The following CDH13 variants were observed in gnomAD, a reference collection of about 807,000 sequenced individuals.
CDH13 encodes cadherin 13, also known as cadherin-13.
CDH13 carries 24 observed loss-of-function variants against 63.8 expected under a neutral mutation model. The observed-to-expected ratio is 0.38, with a 90% CI of 0.27 to 0.53. The LOEUF is 0.53. Ranked by LOEUF, CDH13 falls within the 20% of genes least tolerant of loss-of-function variation. The pLI is 0.85. For missense variants in CDH13, 1,049 were observed against 903.1 expected (o/e 1.16, Z -2.07); for synonymous variants, 503 against 355.3 (o/e 1.42, Z -4.67).
At chr16:82,670,421 T>A (rs912691878) in intron 1 of CDH13, among the ~76,000 whole-genome samples, 12 of 152,180 alleles carry the variant, frequency 7.9e-5, no homozygotes, top group African/African-American at 2.4e-4. Context: ...GAGAAAAAAA[T>A]ATCACTTGAA....
Position 83,575,698 on chromosome 16 carries a change from G to T in CDH13, c.961-26756G>T, listed in dbSNP as rs188111703. On this transcript the variant is annotated intron_variant, in intron 7 of 13. Coordinates refer to ENST00000567109, the MANE Select transcript of CDH13 (RefSeq NM_001257.5). ...AGCTCAACCATCAGTCTCTTGAGAA[G>T]CTTCCTGGTCTCTGAGAGACGGTCA... Among the ~76,000 whole-genome samples the T allele has an allele frequency of 3.9e-4, 59 of 152,290 alleles. No homozygotes were observed. In the East Asian group the frequency reaches 5.6e-3, roughly 14 times the overall value.
chr16:83,079,912 A>G (rs1290846657), intron 3 of CDH13, among the ~76,000 whole-genome samples: 1 of 152,246 alleles, frequency 6.6e-6, no homozygotes, highest in African/African-American at 2.4e-5. Context: ...ATTTCAGCCT[A>G]ATGCTGATAG....
chr16:83,205,786 C>A (rs112350136), intron 4 of CDH13, among the ~76,000 whole-genome samples: 5,732 of 151,974 alleles, frequency 0.038, 330 homozygotes, highest in African/African-American at 0.13. Context: ...TTATATTTTA[C>A]TAGAGACGGG....
rs115671271 is a variant in CDH13, at chr16:83,630,950, C to T, written c.1101+28356C>T. ...CAAGATTTATTTTCCTTTCACAATG[C>T]CAAGGTCAATAATATATGGCAAGCA... is the stretch of plus-strand genomic sequence containing the variant. On this transcript the variant is annotated intron_variant, in intron 8 of 13. Coordinates refer to ENST00000567109, the MANE Select transcript of CDH13 (RefSeq NM_001257.5). 1.5e-3 allele frequency among the ~76,000 whole-genome samples: 225 copies of T among 152,202 alleles called. 1 individual carries two copies. Among genetic ancestry groups the T allele is most frequent in the African/African-American group, 5.2e-3 (214 of 41,520 alleles).
intron 2 of CDH13, among the ~76,000 whole-genome samples, chr16:82,874,214 C>T (rs1392636748): frequency 1.3e-5 from 2 of 152,056 alleles, no homozygotes; most frequent in Non-Finnish European, 2.9e-5. Context: ...GTTTTGCTGC[C>T]AAATGAGTTA....
intron 5 of CDH13, among the ~76,000 whole-genome samples, chr16:83,229,707 A>G (rs1385533208): frequency 6.6e-6 from 1 of 152,194 alleles, no homozygotes; most frequent in Admixed American, 6.5e-5. Context: ...AGATGTTTGC[A>G]TAATAGGCTC....
At chr16:83,062,158 T>C (rs2031613384) in intron 3 of CDH13, among the ~76,000 whole-genome samples, 1 of 152,202 alleles carries the variant, frequency 6.6e-6, no homozygotes, top group African/African-American at 2.4e-5. Flanking sequence ...GGAATAATGA[T>C]GTCAAAGATC....
intron 10 of CDH13, among the ~76,000 whole-genome samples, chr16:83,699,206 C>A (rs1038948012): frequency 3.3e-5 from 5 of 152,196 alleles, no homozygotes; most frequent in Non-Finnish European, 7.3e-5. Context: ...TGACCTAAGC[C>A]CCAGTGGCAG....
intron 10 of CDH13, among the ~76,000 whole-genome samples, chr16:83,723,681 G>A (rs1037944295): frequency 1.3e-5 from 2 of 152,200 alleles, no homozygotes; most frequent in East Asian, 3.8e-4. Context: ...TGAAGTTATC[G>A]TATTGTGTGT....
chr16:83,708,869 C>T (rs1348384303), intron 10 of CDH13, among the ~76,000 whole-genome samples: 1 of 151,910 alleles, frequency 6.6e-6, no homozygotes, highest in Non-Finnish European at 1.5e-5. Context: ...ACTAAAAATA[C>T]AAAAATTAGC....
intron 3 of CDH13, among the ~76,000 whole-genome samples, chr16:83,089,734 AAGGGC>A (rs1449028207): frequency 1.4e-4 from 21 of 152,306 alleles, no homozygotes; most frequent in African/African-American, 4.8e-4. Context: ...ACTTTGCTAT[AAGGGC>A]TACACGTCGG....
chr16:83,560,727 T>C (rs1210006134), intron 7 of CDH13, among the ~76,000 whole-genome samples: 1 of 152,258 alleles, frequency 6.6e-6, no homozygotes, highest in Non-Finnish European at 1.5e-5. Flanking sequence ...TTGACATCTT[T>C]TTGCCTTGCT....
At chr16:83,052,130 A>T (rs1402523799) in intron 3 of CDH13, among the ~76,000 whole-genome samples, 1 of 152,238 alleles carries the variant, frequency 6.6e-6, no homozygotes, top group African/African-American at 2.4e-5. Context: ...TCCGTATGCC[A>T]TGTCCATACG....
At chr16:82,844,552 G>C (rs1454351559) in intron 1 of CDH13, 1 of 149,030 alleles carries the variant, frequency 6.7e-6, no homozygotes, top group East Asian at 2.0e-4. Context: ...AGTGAGCCGA[G>C]ATCGCGCCAC....
At chr16:83,000,271 G>A (rs577655861) in intron 2 of CDH13, among the ~76,000 whole-genome samples, 1 of 36,154 alleles carries the variant, frequency 2.8e-5, no homozygotes, top group South Asian at 9.3e-4. Context: ...TTTTGAGACA[G>A]AGTTTTTCCT....
chr16:83,537,247 A>G (rs948121495), intron 7 of CDH13, among the ~76,000 whole-genome samples: 2 of 152,218 alleles, frequency 1.3e-5, no homozygotes, highest in Non-Finnish European at 2.9e-5. Context: ...AGATAAAACC[A>G]AAGAGCGATT....
chr16:83,453,859 T>C (rs1049547760), intron 6 of CDH13, among the ~76,000 whole-genome samples: 3 of 152,232 alleles, frequency 2.0e-5, no homozygotes, highest in Admixed American at 1.3e-4. Context: ...ATGTGCCTGA[T>C]AATGACCCTG....
At chr16:82,843,454 G>T (rs756648211) in intron 1 of CDH13, among the ~76,000 whole-genome samples, 1 of 152,266 alleles carries the variant, frequency 6.6e-6, no homozygotes, top group East Asian at 1.9e-4. Context: ...CATATACTCC[G>T]ACCCAGGGGA....
intron 6 of CDH13, among the ~76,000 whole-genome samples, chr16:83,447,949 C>A (rs1444240921): frequency 2.0e-5 from 3 of 152,016 alleles, no homozygotes; most frequent in African/African-American, 7.2e-5. Context: ...CCAGTCTCCT[C>A]TGTTACAGGG....
Sources: gnomAD v4.1 joint callset for allele counts (sites outside exome capture counted in the v4.1 genomes callset) on GRCh38, gnomAD v4.1.1 for gene constraint, MANE v1.5 for transcripts, NCBI Gene and HGNC (gene_info 2026-07-23, HGNC 2026-07-21) for gene names.